Variants in NINL observed in about 807,000 individuals in gnomAD.
The protein encoded by NINL is ninein like.
Under a neutral mutation model 160.3 loss-of-function variants are expected in NINL, and 153 were observed. That is an observed-to-expected ratio of 0.95 (90% CI 0.84 to 1.09). The LOEUF is 1.09. NINL is among the 50% of genes least tolerant of loss of function. NINL has a pLI of 0.00. For synonymous variants in NINL, 800 were observed against 734.8 expected (o/e 1.09, Z -1.43); for missense variants, 1,829 against 1,764.0 (o/e 1.04, Z -0.66).
chr20:25,569,217 GACTC>G (rs2147163337), intron 1 of NINL, among the ~76,000 whole-genome samples: 2 of 138,804 alleles, frequency 1.4e-5, no homozygotes, highest in Admixed American at 1.5e-4. Flanking sequence ...GACAGAGCGA[GACTC>G]TGTCTCAAAA....
At chr20:25,464,274 G>A (rs561134083) in intron 19 of NINL, among the ~76,000 whole-genome samples, 7 of 152,194 alleles carry the variant, frequency 4.6e-5, no homozygotes, top group Non-Finnish European at 8.8e-5. Flanking sequence ...AAAATTAGCC[G>A]GGCTTGGTGG....
rs202077582 is a variant in NINL, at chr20:25,491,410, C to A, written c.1426G>T (p.Val476Leu). The A allele has an allele frequency of 6.2e-7, 1 of 1,613,138 alleles. No individual in the cohort carries two copies. Among genetic ancestry groups the A allele is most frequent in the African/African-American group, 1.3e-5 (1 of 75,068 alleles). The change falls in exon 11 of 24, where the codon GTG (valine) becomes TTG (leucine). Residue 476 changes from valine to leucine, a missense_variant. Transcript: ENST00000278886. ...GCCTCCTCAGCCTGCAGGCGCCCCACGTCCCACTCCAGCGCGGCCCTCTGC... is the reference window on the plus strand; with the variant it reads ...GCCTCCTCAGCCTGCAGGCGCCCCAAGTCCCACTCCAGCGCGGCCCTCTGC... ...HRQRAALEWD[V>L]GRLQAEEAGL...
rs759426373 is a variant in NINL at position 25,510,777 on chromosome 20, G to A, written c.451-37C>T. 2.6e-6 allele frequency: 4 copies of A among 1,540,584 alleles called. No individual in the cohort carries two copies. The African/African-American group carries it at 5.5e-5, about 21-fold the overall frequency. Reference sequence around the variant, plus strand: ...TGCAGAGAGAAGGCTGTGAGTTCCAGGGGGTGCTGCTGGGGACGGAGCACC... The same window carrying A: ...TGCAGAGAGAAGGCTGTGAGTTCCAAGGGGTGCTGCTGGGGACGGAGCACC... On this transcript the variant is annotated intron_variant, in intron 4 of 23. Transcript: ENST00000278886.
At chr20:25,532,512 G>A (rs2064482936) in intron 1 of NINL, among the ~76,000 whole-genome samples, 2 of 152,204 alleles carry the variant, frequency 1.3e-5, no homozygotes, top group Admixed American at 1.3e-4. Flanking sequence ...GTCCCCATGT[G>A]AGCAGGGAAA....
rs1023555545 is a variant in NINL, at chr20:25,494,620, G to A, written c.1310+2043C>T. The stretch of plus-strand genomic sequence containing the variant: ...TTGGGAGGTGCAGGCGAACAGAGGC[G>A]GGGTGAGGCCCCGCCCTGTCCCAGC... On this transcript the variant is annotated intron_variant, in intron 10 of 23. Transcript: ENST00000278886. Among the ~76,000 whole-genome samples the A allele has an allele frequency of 3.9e-5, 6 of 152,316 alleles. No individual in the cohort carries two copies. The East Asian group carries it at 9.7e-4, about 25-fold the overall frequency.
rs754788100 is a variant in NINL at position 25,467,431 on chromosome 20, GTC to G, written c.3379_3380del (p.Asp1127GlnfsTer7). 1 of 1,614,054 alleles carries G rather than the reference GTC, an allele frequency of 6.2e-7. No individual in the cohort carries two copies. The highest frequency in any genetic ancestry group is 1.7e-5 in the Admixed American group (1 of 60,022). The stretch of plus-strand genomic sequence containing the variant: ...CCATCTCAGAGCAGGCCTTTTCCTT[GTC>G]TTTCTTTAAAACCTCAATTTCCTTC... ...QRKEIEVLKK[D>X]KEKACSEMEV... On this transcript the variant is annotated frameshift_variant, in exon 19 of 24. Transcript: ENST00000278886. LOFTEE classifies it high-confidence loss of function.
At chr20:25,495,488 G>A (rs1391706077) in intron 10 of NINL, among the ~76,000 whole-genome samples, 1 of 152,198 alleles carries the variant, frequency 6.6e-6, no homozygotes, top group Non-Finnish European at 1.5e-5. Flanking sequence ...CCGACCTGCA[G>A]ACCAAGAACC....
chr20:25,575,791 C>CA (rs1600371551), intron 1 of NINL, among the ~76,000 whole-genome samples: 2 of 151,942 alleles, frequency 1.3e-5, no homozygotes, highest in East Asian at 3.9e-4. Flanking sequence ...AAGAATAGTA[C>CA]AAAAAATTCT....
At chr20:25,515,576 G>A (rs769632128) in intron 3 of NINL, among the ~76,000 whole-genome samples, 2 of 152,016 alleles carry the variant, frequency 1.3e-5, no homozygotes, top group African/African-American at 2.4e-5. Flanking sequence ...TTTTGCGGGG[G>A]GTGTGCAGGG....
At chr20:25,453,679 G>A (rs768594932) in intron 23 of NINL, 37 bp from the exon 24 acceptor site, 5 of 1,549,766 alleles carry the variant, frequency 3.2e-6, no homozygotes, top group African/African-American at 1.4e-5. Flanking sequence ...GCATGAGGCC[G>A]GTGGAGAAAC....
At chr20:25,537,271 T>C (rs1423230275) in intron 1 of NINL, among the ~76,000 whole-genome samples, 1 of 152,100 alleles carries the variant, frequency 6.6e-6, no homozygotes, top group African/African-American at 2.4e-5. Context: ...TTTGTACAGA[T>C]GCAGCTTCCC....
chr20:25,477,343 T>C (rs1257181454), intron 16 of NINL, among the ~76,000 whole-genome samples: 3 of 152,196 alleles, frequency 2.0e-5, no homozygotes, highest in African/African-American at 7.2e-5. Flanking sequence ...ATGTGGAGTG[T>C]TCACATGGAA....
intron 1 of NINL, among the ~76,000 whole-genome samples, chr20:25,556,052 A>C (rs1471469675): frequency 6.6e-6 from 1 of 151,986 alleles, no homozygotes; most frequent in Non-Finnish European, 1.5e-5. Flanking sequence ...AGGCCAAGGC[A>C]GGAGGATTGC....
chr20:25,580,321 G>A (rs963945985), intron 1 of NINL, among the ~76,000 whole-genome samples: 4 of 150,344 alleles, frequency 2.7e-5, no homozygotes, highest in African/African-American at 9.8e-5. Flanking sequence ...GCAACAGAGT[G>A]AGACTCCACC....
chr20:25,557,326 T>C (rs1201682978), intron 1 of NINL, among the ~76,000 whole-genome samples: 1 of 151,270 alleles, frequency 6.6e-6, no homozygotes, highest in Admixed American at 6.6e-5. Context: ...AGGTCAAGAG[T>C]TCCAGACCAG....
chr20:25,581,305 G>A (rs551953251), intron 1 of NINL, among the ~76,000 whole-genome samples: 115 of 152,266 alleles, frequency 7.6e-4, no homozygotes, highest in African/African-American at 2.6e-3. Flanking sequence ...TTAGCTGAGC[G>A]TGGTCAGGCA....
intron 1 of NINL, among the ~76,000 whole-genome samples, chr20:25,552,717 A>T (rs993615875): frequency 8.5e-5 from 13 of 152,258 alleles, no homozygotes; most frequent in Non-Finnish European, 1.9e-4. Context: ...AAAGAACCAC[A>T]TCCCAGGCTA....
chr20:25,583,178 T>G (rs1196849127), intron 1 of NINL, among the ~76,000 whole-genome samples: 1 of 151,936 alleles, frequency 6.6e-6, no homozygotes, highest in Non-Finnish European at 1.5e-5. Context: ...CTCTTCAGAG[T>G]GAACAGGCAA....
intron 1 of NINL, among the ~76,000 whole-genome samples, chr20:25,572,310 T>C (rs1046175606): frequency 1.3e-5 from 2 of 151,950 alleles, no homozygotes; most frequent in Non-Finnish European, 2.9e-5. Context: ...CCCAGGAGAT[T>C]TTCTTAACAC....
Sources: gnomAD v4.1 joint callset for allele counts (sites outside exome capture counted in the v4.1 genomes callset) on GRCh38, gnomAD v4.1.1 for gene constraint, MANE v1.5 for transcripts, NCBI Gene and HGNC (gene_info 2026-07-23, HGNC 2026-07-21) for gene names.